The following SUPT3H variants were observed in gnomAD, a reference collection of about 807,000 sequenced individuals.
SUPT3H encodes the protein SPT3 homolog, SAGA and STAGA complex component, also known as transcription initiation protein SPT3 homolog.
A neutral mutation model predicts 44.3 loss-of-function variants in SUPT3H; 44 were observed. That is an observed-to-expected ratio of 0.99 (90% CI 0.78 to 1.28). The LOEUF (loss-of-function observed/expected upper bound fraction) is 1.28. Among genes scored for constraint, SUPT3H ranks in the 50% most tolerant of loss-of-function variants. SUPT3H has a pLI of 0.00. For missense variants in SUPT3H, 380 were observed against 387.1 expected, an observed-to-expected ratio of 0.98 and a Z score of 0.15; for synonymous variants, 124 against 125.6, an observed-to-expected ratio of 0.99 and a Z score of 0.09.
chr6:44,953,835 G>A (rs1774691877), intron 8 of SUPT3H, among the ~76,000 whole-genome samples: 1 of 152,062 alleles, frequency 6.6e-6, no homozygotes, highest in Non-Finnish European at 1.5e-5. Context: ...AGGTTCAAAT[G>A]ATTCTCCTGC....
intron 9 of SUPT3H, among the ~76,000 whole-genome samples, chr6:44,943,408 T>C (rs148369484): frequency 1.9e-3 from 295 of 152,132 alleles, no homozygotes; most frequent in African/African-American, 6.6e-3. Context: ...ACTAATACAA[T>C]GTACTTGGAG....
At chr6:45,176,442 T>C (rs571860812) in intron 2 of SUPT3H, among the ~76,000 whole-genome samples, 2 of 152,256 alleles carry the variant, frequency 1.3e-5, no homozygotes, top group South Asian at 4.2e-4. Context: ...GGAGTCTCCC[T>C]GATTGCTAGC....
At chr6:45,229,702 T>C (rs1767601032) in intron 2 of SUPT3H, among the ~76,000 whole-genome samples, 2 of 152,148 alleles carry the variant, frequency 1.3e-5, no homozygotes, top group African/African-American at 4.8e-5. Flanking sequence ...TTCTCTCTTT[T>C]ATTAATACAT....
chr6:44,956,871 T>C (rs904525249), intron 7 of SUPT3H, among the ~76,000 whole-genome samples: 6 of 152,206 alleles, frequency 3.9e-5, no homozygotes, highest in African/African-American at 1.4e-4. Context: ...CTTTCACAAA[T>C]GCTTATAATT....
intron 3 of SUPT3H, among the ~76,000 whole-genome samples, chr6:45,035,914 G>A (rs1183120682): frequency 2.6e-5 from 4 of 151,292 alleles, no homozygotes; most frequent in Middle Eastern, 3.2e-3. Flanking sequence ...AAAAAAAAAA[G>A]AGGTGAAAAA....
At chr6:45,081,458 CTATT>C (rs1173965861) in intron 3 of SUPT3H, among the ~76,000 whole-genome samples, 1 of 152,068 alleles carries the variant, frequency 6.6e-6, no homozygotes, top group Non-Finnish European at 1.5e-5. Flanking sequence ...CTATGTGATA[CTATT>C]TATTCATTTA....
chr6:44,917,858 CCAGTT>C (rs1768058863), intron 10 of SUPT3H, among the ~76,000 whole-genome samples: 1 of 152,124 alleles, frequency 6.6e-6, no homozygotes, highest in Admixed American at 6.5e-5. Flanking sequence ...TAGAAAAAAA[CCAGTT>C]CTTTGCAAAG....
At chr6:45,001,968 C>T (rs1052922592) in intron 6 of SUPT3H, among the ~76,000 whole-genome samples, 6 of 151,938 alleles carry the variant, frequency 3.9e-5, no homozygotes, top group African/African-American at 1.2e-4. Context: ...ATATTTTTTT[C>T]AGTTAAACTG....
chr6:45,055,048 CTT>C (rs148642654), intron 3 of SUPT3H, among the ~76,000 whole-genome samples: 3,636 of 151,876 alleles, frequency 0.024, 146 homozygotes, highest in African/African-American at 0.082. Flanking sequence ...TAGAAAAAAA[CTT>C]GAGCAGAGAC....
rs1000363860 is a variant in SUPT3H, at chr6:45,208,801, C to T, written c.102-102795G>A. On this transcript the variant is annotated intron_variant, in intron 2 of 10. Coordinates refer to ENST00000371459, the MANE Select transcript of SUPT3H (RefSeq NM_003599.4). Reference sequence around the variant, plus strand: ...TACTGGAAGAAGATGCCATCTAAAACTCCCATAGCTGGAGAGGAGAAGTCA... The same window carrying T: ...TACTGGAAGAAGATGCCATCTAAAATTCCCATAGCTGGAGAGGAGAAGTCA... Among the ~76,000 whole-genome samples the T allele has an allele frequency of 3.3e-5, 5 of 151,636 alleles. No individual in the cohort carries two copies. In the East Asian group the frequency reaches 5.8e-4, roughly 18 times the overall value.
chr6:44,820,461 G>A (rs529390464), intron 11 of SUPT3H, among the ~76,000 whole-genome samples: 5 of 152,274 alleles, frequency 3.3e-5, no homozygotes, highest in African/African-American at 1.2e-4. Flanking sequence ...TGAAGATGAC[G>A]AGCCAGGACA....
chr6:45,055,110 T>A (rs1035837189), intron 3 of SUPT3H, among the ~76,000 whole-genome samples: 6 of 152,034 alleles, frequency 3.9e-5, no homozygotes, highest in African/African-American at 1.4e-4. Flanking sequence ...AATTAGTAAT[T>A]TCACTAAATA....
chr6:45,102,270 CA>C (rs1334684795), intron 3 of SUPT3H, among the ~76,000 whole-genome samples: 3 of 151,970 alleles, frequency 2.0e-5, no homozygotes, highest in Non-Finnish European at 1.5e-5. Flanking sequence ...CTCAAGCATT[CA>C]AACATACAAG....
chr6:45,115,965 ATC>A, intron 2 of SUPT3H, among the ~76,000 whole-genome samples: 1 of 152,114 alleles, frequency 6.6e-6, no homozygotes, highest in Non-Finnish European at 1.5e-5. Flanking sequence ...CAACATTCTC[ATC>A]TCTCTTATTA....
At chr6:45,173,583 ACTGACAT>A (rs1054300975) in intron 2 of SUPT3H, among the ~76,000 whole-genome samples, 43 of 152,342 alleles carry the variant, frequency 2.8e-4, no homozygotes, top group African/African-American at 9.4e-4. Context: ...TGATTTTATC[ACTGACAT>A]CTGACACCTG....
chr6:45,157,512 T>C (rs1808024917), intron 2 of SUPT3H, among the ~76,000 whole-genome samples: 1 of 151,512 alleles, frequency 6.6e-6, no homozygotes, highest in Admixed American at 6.6e-5. Flanking sequence ...TATGTATATA[T>C]ATGATGCCTA....
At position 45,377,788 on chromosome 6, in the gene SUPT3H, G is replaced by A. The variant is rs2150338169; in HGVS notation, c.-21C>T. 6.5e-6 allele frequency: 1 copy of A among 152,906 alleles called. No homozygotes were observed. Among genetic ancestry groups the A allele is most frequent in the African/African-American group, 2.4e-5 (1 of 41,586 alleles). 9.5% of individuals were successfully genotyped at this position (152,906 alleles called of 1,614,324 possible). On this transcript the variant is annotated 5_prime_UTR_variant, in exon 1 of 11. Transcript: ENST00000371459. Reference sequence around the variant, plus strand: ...ACAACCTCTGCTTTAAGAACCCTTGGAGGCACTGCTGCGCTTCCCGCGAGG... The same window carrying A: ...ACAACCTCTGCTTTAAGAACCCTTGAAGGCACTGCTGCGCTTCCCGCGAGG...
At chr6:44,854,037 C>G (rs908520611) in intron 10 of SUPT3H, among the ~76,000 whole-genome samples, 1 of 150,130 alleles carries the variant, frequency 6.7e-6, no homozygotes, top group Non-Finnish European at 1.5e-5. Context: ...AATAAATATA[C>G]GCAGAGAGCT....
At chr6:45,049,599 T>C (rs1258016770) in intron 3 of SUPT3H, among the ~76,000 whole-genome samples, 1 of 152,186 alleles carries the variant, frequency 6.6e-6, no homozygotes, top group African/African-American at 2.4e-5. Flanking sequence ...AAACTCACAG[T>C]TGCGCCAACT....
Sources: allele counts gnomAD v4.1 joint callset (sites outside exome capture counted in the v4.1 genomes callset), GRCh38; gene constraint gnomAD v4.1.1; transcripts MANE v1.5; gene names NCBI Gene and HGNC (gene_info 2026-07-23, HGNC 2026-07-21).